Variants in GTF3C3 observed in about 807,000 individuals in gnomAD.
GTF3C3 encodes the protein general transcription factor IIIC subunit 3, also known as general transcription factor 3C polypeptide 3.
Under a neutral mutation model 105.2 loss-of-function variants are expected in GTF3C3, and 75 were observed. The observed-to-expected ratio is 0.71, with a 90% CI of 0.59 to 0.86. The LOEUF (loss-of-function observed/expected upper bound fraction) is 0.86. GTF3C3 is among the 40% of genes least tolerant of loss of function. The probability of loss-of-function intolerance (pLI) is 0.00; values close to 1 mark genes in which losing one functional copy is unlikely to be tolerated. For missense variants in GTF3C3, 856 were observed against 1,076.5 expected (o/e 0.80, Z 2.87); for synonymous variants, 335 against 370.4 (o/e 0.90, Z 1.10).
chr2:196,772,584 A>G (rs1699192507), intron 14 of GTF3C3, among the ~76,000 whole-genome samples: 1 of 152,142 alleles, frequency 6.6e-6, no homozygotes, highest in African/African-American at 2.4e-5. Flanking sequence ...AATAATTGCC[A>G]GGCATTATTA....
At chr2:196,779,258 G>A (rs1699306766) in intron 9 of GTF3C3, among the ~76,000 whole-genome samples, 191 bp from the exon 10 acceptor site, 1 of 151,852 alleles carries the variant, frequency 6.6e-6, no homozygotes, top group South Asian at 2.1e-4. Flanking sequence ...TTCCTGAGTA[G>A]CTGGGATTAC....
intron 14 of GTF3C3, among the ~76,000 whole-genome samples, chr2:196,772,386 T>C (rs1699188943): frequency 6.6e-6 from 1 of 152,050 alleles, no homozygotes; most frequent in Non-Finnish European, 1.5e-5. Flanking sequence ...CCGTCTCTAC[T>C]AAAAATACAA....
chr2:196,773,650 AAAT>A (rs555791453), intron 13 of GTF3C3: 6 of 428,992 alleles, frequency 1.4e-5, no homozygotes, highest in Non-Finnish European at 2.8e-5. Context: ...ATATATAATG[AAAT>A]AATTGTACAA....
chr2:196,772,866 G>C, intron 14 of GTF3C3, 50 bp downstream of exon 14: 2 of 925,388 alleles, frequency 2.2e-6, no homozygotes, highest in Non-Finnish European at 3.3e-6. Flanking sequence ...CAAAGTACAT[G>C]TACTTACTCT....
chr2:196,775,981 G>A lies in GTF3C3; in HGVS notation c.1695+29C>T, dbSNP rs1559299561. 4 of 1,013,984 alleles carry A rather than the reference G, an allele frequency of 3.9e-6. No individual in the cohort carries two copies. The Admixed American group carries it at 7.0e-5, about 18-fold the overall frequency. 62.8% of individuals were successfully genotyped at this position (1,013,984 alleles called of 1,614,324 possible). A position where few individuals can be genotyped will look rare whatever the true frequency, so the allele number is the denominator to read the frequency against. Reference sequence around the variant, plus strand: ...TACTAAACATTTAAAAAGTCAACAAGGCTAACATAAAGAAAGATCATTACC... The same window carrying A: ...TACTAAACATTTAAAAAGTCAACAAAGCTAACATAAAGAAAGATCATTACC... On this transcript the variant is annotated intron_variant, in intron 12 of 17. Transcript: ENST00000263956.
intron 5 of GTF3C3, 82 bp downstream of exon 5, chr2:196,789,797 C>T: frequency 1.2e-6 from 1 of 851,780 alleles, no homozygotes. Flanking sequence ...CAATATCACA[C>T]CCCAGAATAG....
At chr2:196,766,410 G>C (rs1297037636) in intron 17 of GTF3C3, among the ~76,000 whole-genome samples, 155 bp downstream of exon 17, 1 of 152,182 alleles carries the variant, frequency 6.6e-6, no homozygotes, top group Non-Finnish European at 1.5e-5. Flanking sequence ...AGATGTCGAA[G>C]TGGTACCTGT....
At chr2:196,771,026 C>CT (rs1699164756) in intron 15 of GTF3C3, among the ~76,000 whole-genome samples, 1 of 152,112 alleles carries the variant, frequency 6.6e-6, no homozygotes, top group African/African-American at 2.4e-5. Context: ...TCTGGCAACA[C>CT]CACCTTTTAG....
chr2:196,773,350 G>C (rs1167240661), intron 13 of GTF3C3, among the ~76,000 whole-genome samples, 197 bp from the exon 14 acceptor site: 1 of 152,194 alleles, frequency 6.6e-6, no homozygotes, highest in African/African-American at 2.4e-5. Context: ...TTCTCTGCCA[G>C]TTTAACAATC....
At chr2:196,765,389 A>G (rs1027703976) in intron 17 of GTF3C3, among the ~76,000 whole-genome samples, 14 of 152,140 alleles carry the variant, frequency 9.2e-5, no homozygotes, top group Non-Finnish European at 1.9e-4. Context: ...TATTTATGAA[A>G]TAACACTGTA....
intron 7 of GTF3C3, 104 bp from the exon 8 acceptor site, chr2:196,785,033 G>A (rs556521265): frequency 8.1e-6 from 6 of 737,924 alleles, no homozygotes; most frequent in South Asian, 4.3e-5. Flanking sequence ...ATATAAAGTT[G>A]GGCTATAAAA....
chr2:196,796,026 G>A (rs935976330), intron 2 of GTF3C3, among the ~76,000 whole-genome samples: 3 of 152,190 alleles, frequency 2.0e-5, no homozygotes, highest in Non-Finnish European at 4.4e-5. Context: ...CAGTGTGTAA[G>A]AACGGTGTGA....
Position 196,780,682 on chromosome 2 carries a change from G to C in GTF3C3, c.1115-20C>G. On this transcript the variant is annotated intron_variant, in intron 8 of 17. Coordinates refer to ENST00000263956, the MANE Select transcript of GTF3C3 (RefSeq NM_012086.5). Reference sequence around the variant, plus strand: ...CAGGAGCTGGAGAATACACAGACAAGAAGCAGTTACTATATGCAAGCTTGA... The same window carrying C: ...CAGGAGCTGGAGAATACACAGACAACAAGCAGTTACTATATGCAAGCTTGA... The C allele has an allele frequency of 6.2e-7, 1 of 1,605,214 alleles. No individual in the cohort carries two copies. Among genetic ancestry groups the C allele is most frequent in the African/African-American group, 1.3e-5 (1 of 74,834 alleles).
chr2:196,776,453 C>G lies in GTF3C3; in HGVS notation c.1567G>C (p.Ala523Pro). Residue 523 changes from alanine to proline, a missense_variant, in exon 11 of 18, where the codon GCA becomes CCA. Ala to Pro is a conservative substitution (Grantham distance 27). Around this residue, in one of 3 missense-constraint regions of GTF3C3, gnomAD observed 605 missense variants for 833.6 expected, o/e 0.73. Transcript: ENST00000263956. The surrounding 1 kb of genome is among the most constrained non-coding windows in gnomAD (Gnocchi z 4.5). The stretch of plus-strand genomic sequence containing the variant: ...TGCTGTGCAGCATTTGCATCCTGTG[C>G]TAAAGTATCTGGATCATACATTGGT... ...LEPMYDPDTLAQDANAAQQEL... is the reference protein window; with the variant it reads ...LEPMYDPDTLPQDANAAQQEL... 6.2e-7 allele frequency: 1 copy of G among 1,614,012 alleles called. No individual in the cohort carries two copies. Among genetic ancestry groups the G allele is most frequent in the East Asian group, 2.2e-5 (1 of 44,884 alleles).
rs1220973039 is a variant in GTF3C3 at position 196,786,118 on chromosome 2, CA to C, written c.894-531del. Reference sequence around the variant, plus strand: ...ACTGGTCTCACTCTAAACTGATGACCAATAGCCTCAAGCAGGTCCATGGTAC... The same window carrying C: ...ACTGGTCTCACTCTAAACTGATGACCATAGCCTCAAGCAGGTCCATGGTAC... On this transcript the variant is annotated intron_variant, in intron 6 of 17. Transcript: ENST00000263956. This position sits in a 1 kb window ranked among gnomAD's most constrained non-coding sequence, Gnocchi z 4.2. Among the ~76,000 whole-genome samples the C allele has an allele frequency of 6.6e-6, 1 of 152,146 alleles. No homozygotes were observed. The highest frequency in any genetic ancestry group is 2.4e-5 in the African/African-American group (1 of 41,436).
intron 16 of GTF3C3, among the ~76,000 whole-genome samples, chr2:196,767,496 AATT>A (rs1699088168): frequency 6.6e-6 from 1 of 152,330 alleles, no homozygotes; most frequent in South Asian, 2.1e-4. Context: ...TATAAAATGT[AATT>A]ATTCTCTAGA....
In GTF3C3 at chr2:196,772,968, G is replaced by A; in HGVS notation, c.2017C>T (p.Leu673=). 6.2e-7 allele frequency: 1 copy of A among 1,607,372 alleles called. No individual in the cohort carries two copies. The highest frequency in any genetic ancestry group is 1.1e-5 in the South Asian group (1 of 89,298). The change falls in exon 14 of 18, where the codon CTG becomes TTG. Residue 673 remains leucine (L), a synonymous_variant. Transcript: ENST00000263956. ...TTTTTGTCCAGAATTGCAGCAGACA[G>A]ACCAAAGTATTCTAGTTCTTTGCGT... ...QKRKELEYFG[L]SAAILDKNFR...
chr2:196,798,026 T>TGGG, intron 1 of GTF3C3, 118 bp from the exon 2 acceptor site: 1 of 667,680 alleles, frequency 1.5e-6, no homozygotes, highest in Non-Finnish European at 2.7e-6. Context: ...GACCATGGGT[T>TGGG]GGCAGTTTAT....
intron 6 of GTF3C3, among the ~76,000 whole-genome samples, chr2:196,785,989 T>C (rs1699447451): frequency 6.6e-6 from 1 of 152,140 alleles, no homozygotes; most frequent in African/African-American, 2.4e-5. Flanking sequence ...CTCAGTTCTC[T>C]TGCCCTGCAC....
Sources: allele counts gnomAD v4.1 joint callset (sites outside exome capture counted in the v4.1 genomes callset), GRCh38; gene constraint gnomAD v4.1.1; regional missense constraint gnomAD v4.1.1; non-coding constraint Gnocchi (gnomAD v3.1); transcripts MANE v1.5; gene names NCBI Gene and HGNC (gene_info 2026-07-23, HGNC 2026-07-21).